CDH23: variants seen among roughly 807,000 people sequenced by gnomAD.
CDH23 encodes the protein cadherin-23.
Under a neutral mutation model 317.1 loss-of-function variants are expected in CDH23, and 189 were observed. The observed-to-expected ratio is 0.60, with a 90% CI of 0.53 to 0.67. The LOEUF (loss-of-function observed/expected upper bound fraction) is 0.67, where lower values mean the gene tolerates loss of function less well. CDH23 is among the 30% of genes least tolerant of loss of function. The probability of loss-of-function intolerance (pLI) is 0.00; values close to 1 mark genes in which losing one functional copy is unlikely to be tolerated. For missense variants in CDH23, 4,401 were observed against 4,592.4 expected, an observed-to-expected ratio of 0.96 and a Z score of 1.20; for synonymous variants, 1,839 against 1,876.8, an observed-to-expected ratio of 0.98 and a Z score of 0.52.
In CDH23 at chr10:71,809,936, G is replaced by A. The variant is rs373806912; in HGVS notation, c.8839G>A (p.Gly2947Ser). The change falls in exon 61 of 70, where the codon GGC becomes AGC. Residue 2947 changes from glycine to serine, a missense_variant. Physicochemically the swap from Gly to Ser is moderately conservative, Grantham distance 56. Around this residue, in one of 3 missense-constraint regions of CDH23, gnomAD observed 1,144 missense variants for 1,138.2 expected, o/e 1.01. Transcript: ENST00000224721. The part of the protein sequence containing the change: ...LAGHNDTAII[G>S]IYILRDDQRV... ...AGGCCACAACGACACGGCCATCATC[G>A]GCATCTACATCCTGAGGGACGACCA... The A allele has an allele frequency of 1.5e-5, 24 of 1,612,674 alleles. No individual in the cohort carries two copies. Among genetic ancestry groups the A allele is most frequent in the East Asian group, 2.2e-5 (1 of 44,894 alleles).
chr10:71,510,905 A>G (rs891583960), intron 4 of CDH23, 49 bp from the exon 5 acceptor site: 14 of 1,597,208 alleles, frequency 8.8e-6, no homozygotes, highest in Non-Finnish European at 1.1e-5. Flanking sequence ...AGGACCCAGG[A>G]CCTCAGCACC....
At chr10:71,717,110 A>G (rs1171866479) in intron 28 of CDH23, 1 of 152,252 alleles carries the variant, frequency 6.6e-6, no homozygotes, top group Non-Finnish European at 1.5e-5. Context: ...TGCTCCCACG[A>G]CAGGTGGGAA....
At chr10:71,415,563 T>C (rs538421340) in intron 1 of CDH23, among the ~76,000 whole-genome samples, 23 of 152,378 alleles carry the variant, frequency 1.5e-4, no homozygotes, top group Middle Eastern at 3.4e-3. Context: ...TTTAATTTAC[T>C]TCTTAAAATA....
chr10:71,624,984 G>T (rs1179377967), intron 11 of CDH23, among the ~76,000 whole-genome samples: 1 of 152,080 alleles, frequency 6.6e-6, no homozygotes, highest in Non-Finnish European at 1.5e-5. Context: ...CCCAGTGTCT[G>T]CTGAGAAGAT....
At chr10:71,738,733 C>G (rs1839649529) in intron 35 of CDH23, 86 bp downstream of exon 35, 3 of 1,469,714 alleles carry the variant, frequency 2.0e-6, no homozygotes, top group Non-Finnish European at 2.8e-6. Context: ...TCTGAGCCAC[C>G]CCCATCACCA....
At chr10:71,603,735 T>C (rs1860368991) in intron 9 of CDH23, among the ~76,000 whole-genome samples, 1 of 152,172 alleles carries the variant, frequency 6.6e-6, no homozygotes, top group Non-Finnish European at 1.5e-5. Flanking sequence ...ATGGCAGCCA[T>C]GAGGGCTATG....
chr10:71,755,387 G>A (rs1840111055), intron 38 of CDH23: 1 of 1,613,198 alleles, frequency 6.2e-7, no homozygotes. Context: ...GCCTTTGCTT[G>A]TAGACCAGGA....
At chr10:71,810,617 C>A in intron 62 of CDH23, 48 bp downstream of exon 62, 1 of 1,565,798 alleles carries the variant, frequency 6.4e-7, no homozygotes, top group Non-Finnish European at 8.8e-7. Context: ...GTCTGCCTGC[C>A]TCCCTGCCCT....
At chr10:71,698,917 T>C (rs890332585) in intron 22 of CDH23, among the ~76,000 whole-genome samples, 3 of 152,244 alleles carry the variant, frequency 2.0e-5, no homozygotes, top group African/African-American at 7.2e-5. Context: ...TGTGTGACCT[T>C]GGGCAAGTTG....
chr10:71,780,063 C>G (rs1456207936), intron 41 of CDH23, among the ~76,000 whole-genome samples: 1 of 152,256 alleles, frequency 6.6e-6, no homozygotes, highest in African/African-American at 2.4e-5. Context: ...CACAACTCAG[C>G]TCCTGCCAGT....
chr10:71,415,671 A>T lies in CDH23; in HGVS notation c.-6+18353A>T, dbSNP rs190995670. Among the ~76,000 whole-genome samples the T allele has an allele frequency of 1.2e-3, 181 of 152,288 alleles. 1 individual carries two copies. The highest frequency in any genetic ancestry group is 4.1e-3 in the African/African-American group (171 of 41,582). ...AAATTTTCTTTTAAGCACAGCTATT[A>T]GTATGTCACAAATTTTGATGTCATA... On this transcript the variant is annotated intron_variant, in intron 1 of 69. Coordinates refer to ENST00000224721, the MANE Select transcript of CDH23 (RefSeq NM_022124.6).
intron 9 of CDH23, among the ~76,000 whole-genome samples, chr10:71,595,659 C>G (rs530399353): frequency 6.6e-6 from 1 of 152,314 alleles, no homozygotes; most frequent in African/African-American, 2.4e-5. Flanking sequence ...CCATCCTTTC[C>G]CAAGGGGCAT....
intron 14 of CDH23, among the ~76,000 whole-genome samples, chr10:71,660,200 C>A (rs1248147574): frequency 6.6e-6 from 1 of 152,030 alleles, no homozygotes; most frequent in Non-Finnish European, 1.5e-5. Context: ...ACCTCGTGAT[C>A]CACCCCGCTC....
chr10:71,629,170 C>T (rs572493906), intron 11 of CDH23, among the ~76,000 whole-genome samples: 1 of 152,114 alleles, frequency 6.6e-6, no homozygotes, highest in Non-Finnish European at 1.5e-5. Flanking sequence ...ATTCTAGCAT[C>T]GATTCACAAA....
chr10:71,521,015 G>A (rs931165246), intron 6 of CDH23, among the ~76,000 whole-genome samples: 1 of 152,058 alleles, frequency 6.6e-6, no homozygotes, highest in Admixed American at 6.6e-5. Flanking sequence ...TAGCAACTTT[G>A]TGGTGTTGGC....
intron 47 of CDH23, among the ~76,000 whole-genome samples, chr10:71,792,923 T>C (rs1841302327): frequency 7.5e-6 from 1 of 133,896 alleles, no homozygotes. Context: ...GACAGAAAAA[T>C]GGACAAAAGA....
chr10:71,717,463 A>T (rs547821482), intron 28 of CDH23: 3 of 152,330 alleles, frequency 2.0e-5, no homozygotes, highest in Non-Finnish European at 4.4e-5. Flanking sequence ...GACATCATAC[A>T]CCTGACAGGG....
At chr10:71,428,079 C>T (rs1348628614) in intron 1 of CDH23, among the ~76,000 whole-genome samples, 3 of 151,914 alleles carry the variant, frequency 2.0e-5, no homozygotes, top group African/African-American at 7.3e-5. Context: ...TATAGTCCCA[C>T]CAGAAATGCA....
chr10:71,519,944 A>T (rs905536029), intron 6 of CDH23, among the ~76,000 whole-genome samples: 3 of 152,018 alleles, frequency 2.0e-5, no homozygotes, highest in African/African-American at 7.3e-5. Context: ...ACATACCAAC[A>T]TGCCTAGCTA....
Sources: allele counts gnomAD v4.1 joint callset (sites outside exome capture counted in the v4.1 genomes callset), GRCh38; gene constraint gnomAD v4.1.1; regional missense constraint gnomAD v4.1.1; transcripts MANE v1.5; gene names NCBI Gene and HGNC (gene_info 2026-07-23, HGNC 2026-07-21).